PRKN: variants seen among roughly 807,000 people sequenced by gnomAD.
PRKN encodes parkin RBR E3 ubiquitin protein ligase, also known as E3 ubiquitin-protein ligase parkin.
Under a neutral mutation model 59.5 loss-of-function variants are expected in PRKN, and 56 were observed. The observed-to-expected ratio is 0.94, with a 90% CI of 0.76 to 1.18. The LOEUF is 1.18. PRKN is among the 50% of genes most tolerant of loss of function. The probability of loss-of-function intolerance (pLI) is 0.00; values close to 1 mark genes in which losing one functional copy is unlikely to be tolerated. For synonymous variants in PRKN, 250 were observed against 222.1 expected (o/e 1.13, Z -1.12); for missense variants, 657 against 596.4 (o/e 1.10, Z -1.06).
chr6:161,796,429 C>T (rs1036063687), intron 6 of PRKN, among the ~76,000 whole-genome samples: 4 of 152,126 alleles, frequency 2.6e-5, no homozygotes, highest in African/African-American at 9.7e-5. Context: ...TTGGTTTACC[C>T]TAGCTTTCTT....
chr6:162,177,587 A>G (rs939624958), intron 4 of PRKN, among the ~76,000 whole-genome samples: 1 of 152,196 alleles, frequency 6.6e-6, no homozygotes, highest in East Asian at 1.9e-4. Context: ...TGTGTGTCAA[A>G]AAAAGAAAAA....
intron 7 of PRKN, among the ~76,000 whole-genome samples, chr6:161,666,232 C>T (rs185200363): frequency 1.6e-4 from 24 of 152,294 alleles, no homozygotes; most frequent in Non-Finnish European, 2.6e-4. Context: ...GGAACCAGGC[C>T]GCACAGCCAG....
At chr6:162,153,953 C>T (rs77338585) in intron 4 of PRKN, among the ~76,000 whole-genome samples, 1,872 of 152,246 alleles carry the variant, frequency 0.012, 48 homozygotes, top group African/African-American at 0.043. Flanking sequence ...GAAAGAAGTA[C>T]TCGGGAGAGA....
At chr6:161,689,788 G>A (rs1418581662) in intron 7 of PRKN, among the ~76,000 whole-genome samples, 1 of 151,998 alleles carries the variant, frequency 6.6e-6, no homozygotes, top group Non-Finnish European at 1.5e-5. Flanking sequence ...TTGGCTCACT[G>A]CAACCTCTGC....
At chr6:162,727,373 G>T (rs1248028902) in intron 1 of PRKN, 15 of 438,210 alleles carry the variant, frequency 3.4e-5, no homozygotes, top group Non-Finnish European at 5.6e-5. Context: ...GGGGGACCGC[G>T]AACGAGGAGC....
chr6:162,491,018 G>C, intron 1 of PRKN, among the ~76,000 whole-genome samples: 1 of 151,802 alleles, frequency 6.6e-6, no homozygotes, highest in East Asian at 1.9e-4. Flanking sequence ...CAGGAGAATC[G>C]CTTGAACCCA....
At position 162,133,459 on chromosome 6, in the gene PRKN, A is replaced by G. The variant is rs184214673; in HGVS notation, c.534+67672T>C. 5.9e-3 allele frequency among the ~76,000 whole-genome samples: 903 copies of G among 152,198 alleles called. 9 individuals are homozygous for G. Among genetic ancestry groups the G allele is most frequent in the African/African-American group, 0.021 (854 of 41,538 alleles). ...TTCAGGGAAGGGCAGGTTTGGCAGG[A>G]AGTATTTAGAGTTCTATTTGGGACA... On this transcript the variant is annotated intron_variant, in intron 4 of 11. Transcript: ENST00000366898.
intron 2 of PRKN, among the ~76,000 whole-genome samples, chr6:162,332,976 C>T (rs531004124): frequency 7.2e-5 from 11 of 152,302 alleles, no homozygotes; most frequent in Admixed American, 2.0e-4. Context: ...CAGGGCTCTA[C>T]ATGCTGCTAT....
chr6:162,359,004 G>A (rs1785002460), intron 2 of PRKN, among the ~76,000 whole-genome samples: 1 of 146,012 alleles, frequency 6.8e-6, no homozygotes, highest in South Asian at 2.2e-4. Flanking sequence ...AGGTTGCAGT[G>A]AGCCGAGATT....
At chr6:161,881,213 CTG>C (rs1442530404) in intron 6 of PRKN, among the ~76,000 whole-genome samples, 2 of 152,150 alleles carry the variant, frequency 1.3e-5, no homozygotes, top group Non-Finnish European at 2.9e-5. Context: ...CTAATGCCCC[CTG>C]TGTGGAGACG....
chr6:161,896,827 A>T (rs1385200132), intron 6 of PRKN, among the ~76,000 whole-genome samples: 1 of 152,166 alleles, frequency 6.6e-6, no homozygotes, highest in Non-Finnish European at 1.5e-5. Flanking sequence ...TGAAAAAAAA[A>T]TTCCACTGGA....
chr6:161,500,272 T>C (rs1777910583), intron 9 of PRKN, among the ~76,000 whole-genome samples: 1 of 150,798 alleles, frequency 6.6e-6, no homozygotes, highest in Non-Finnish European at 1.5e-5. Flanking sequence ...CCCACAAGAG[T>C]GGTACATTTG....
intron 2 of PRKN, among the ~76,000 whole-genome samples, chr6:162,278,580 C>A (rs982750071): frequency 1.5e-4 from 23 of 151,824 alleles, no homozygotes; most frequent in African/African-American, 5.3e-4. Flanking sequence ...ATGATGTGAA[C>A]CTAAAACTGC....
intron 7 of PRKN, among the ~76,000 whole-genome samples, chr6:161,656,020 G>A (rs1784337946): frequency 6.6e-6 from 1 of 152,108 alleles, no homozygotes; most frequent in Admixed American, 6.5e-5. Context: ...AATAAACCAC[G>A]TTTGTTACAG....
At chr6:161,768,861 A>C (rs1199543704) in intron 7 of PRKN, among the ~76,000 whole-genome samples, 1 of 152,242 alleles carries the variant, frequency 6.6e-6, no homozygotes, top group African/African-American at 2.4e-5. Flanking sequence ...GCAGCCTACC[A>C]ATGCTATCAG....
At chr6:162,481,647 G>C (rs1034832141) in intron 1 of PRKN, among the ~76,000 whole-genome samples, 1 of 152,170 alleles carries the variant, frequency 6.6e-6, no homozygotes, top group Admixed American at 6.5e-5. Flanking sequence ...TTCATAAAAT[G>C]AAGAGTGCAG....
intron 2 of PRKN, among the ~76,000 whole-genome samples, chr6:162,339,227 T>G: frequency 6.9e-6 from 1 of 144,180 alleles, no homozygotes; most frequent in East Asian, 2.2e-4. Context: ...AGCCACCCCG[T>G]CCGGGAGGGA....
At chr6:162,579,218 A>C (rs759437177) in intron 1 of PRKN, among the ~76,000 whole-genome samples, 12 of 152,196 alleles carry the variant, frequency 7.9e-5, no homozygotes, top group Non-Finnish European at 1.6e-4. Context: ...TAGTTTCAAG[A>C]ATATGACATT....
chr6:162,656,760 AC>A (rs1459223500), intron 1 of PRKN, among the ~76,000 whole-genome samples: 1 of 152,116 alleles, frequency 6.6e-6, no homozygotes, highest in African/African-American at 2.4e-5. Flanking sequence ...TTGAACACAG[AC>A]CTTTATCCTT....
Sources: allele counts gnomAD v4.1 joint callset (sites outside exome capture counted in the v4.1 genomes callset), GRCh38; gene constraint gnomAD v4.1.1; transcripts MANE v1.5; gene names NCBI Gene and HGNC (gene_info 2026-07-23, HGNC 2026-07-21).